SCOC: variants seen among roughly 807,000 people sequenced by gnomAD.
The protein encoded by SCOC is short coiled-coil protein, also known as short coiled coil protein.
In SCOC, 7 loss-of-function variants were observed where a neutral mutation model predicts 9.9. That is an observed-to-expected ratio of 0.71 (90% CI 0.40 to 1.33). The LOEUF is 1.33. Among genes scored for constraint, SCOC ranks in the 40% most tolerant of loss-of-function variants. The pLI is 0.01. For synonymous variants in SCOC, 19 were observed against 28.2 expected (o/e 0.67, Z 1.03); for missense variants, 66 against 89.7 (o/e 0.74, Z 1.07).
chr4:140,338,549 C>A (rs1157564147), upstream of SCOC, among the ~76,000 whole-genome samples: 1 of 152,084 alleles, frequency 6.6e-6, no homozygotes, highest in Non-Finnish European at 1.5e-5. Context: ...TTTAGAAAAC[C>A]CCATCGTCTC....
At chr4:140,338,479 T>C (rs1175530175), upstream of SCOC, among the ~76,000 whole-genome samples, 1 of 152,112 alleles carries the variant, frequency 6.6e-6, no homozygotes, top group Non-Finnish European at 1.5e-5. Flanking sequence ...AAATAAAGGG[T>C]ATTCAATCAG....
intron 1 of SCOC, among the ~76,000 whole-genome samples, chr4:140,257,798 C>T (rs1179026584): frequency 1.3e-5 from 2 of 152,214 alleles, no homozygotes; most frequent in East Asian, 1.9e-4. Context: ...TTTCTATCCT[C>T]CCGTTTCCAT....
chr4:140,326,704 C>A (rs1343191828), intron 1 of SCOC, among the ~76,000 whole-genome samples: 2 of 152,064 alleles, frequency 1.3e-5, no homozygotes, highest in Admixed American at 6.6e-5. Flanking sequence ...ATGCTAAAGT[C>A]TTTTATTATC....
At chr4:140,363,643 T>G (rs1175032586) in intron 2 of SCOC, among the ~76,000 whole-genome samples, 1 of 152,244 alleles carries the variant, frequency 6.6e-6, no homozygotes, top group African/African-American at 2.4e-5. Context: ...TAAAATTAAC[T>G]GTAGTACATA....
chr4:140,280,570 A>T (rs531539369), intron 1 of SCOC, among the ~76,000 whole-genome samples: 2 of 152,328 alleles, frequency 1.3e-5, no homozygotes, highest in Non-Finnish European at 2.9e-5. Context: ...TCCCTCAGTC[A>T]TTGCTTATTT....
intron 1 of SCOC, among the ~76,000 whole-genome samples, chr4:140,299,764 C>T (rs1337201414): frequency 2.0e-5 from 3 of 152,200 alleles, no homozygotes; most frequent in African/African-American, 7.2e-5. Context: ...ATGTGGAAGG[C>T]AATGCTTGTA....
rs890153754 is a variant in SCOC, at chr4:140,383,447, A to T, written c.*2343A>T. On this transcript the variant is annotated 3_prime_UTR_variant, in exon 4 of 4. Transcript: ENST00000608372. ...ACAGGATGGCCAAATAAAAAGTCTC[A>T]ATTTGGAAAATGGAATAAAGGGAAA... 3.3e-5 allele frequency: 5 copies of T among 152,216 alleles called. No individual in the cohort carries two copies. The highest frequency in any genetic ancestry group is 1.2e-4 in the African/African-American group (5 of 41,442). The allele number at this position is 152,216 out of a possible 1,614,324, so 9.4% of individuals were successfully genotyped here.
At chr4:140,280,191 A>C (rs1199706054) in intron 1 of SCOC, among the ~76,000 whole-genome samples, 1 of 152,148 alleles carries the variant, frequency 6.6e-6, no homozygotes, top group Non-Finnish European at 1.5e-5. Flanking sequence ...ACCTCAGCTC[A>C]CTGCAGCCTC....
At chr4:140,359,327 C>T (rs1187904733) in intron 2 of SCOC, among the ~76,000 whole-genome samples, 8 of 152,014 alleles carry the variant, frequency 5.3e-5, no homozygotes, top group Admixed American at 5.2e-4. Flanking sequence ...TCATTTTGAG[C>T]ACCTACATAT....
At chr4:140,306,461 G>A (rs1731989894) in intron 1 of SCOC, among the ~76,000 whole-genome samples, 1 of 152,184 alleles carries the variant, frequency 6.6e-6, no homozygotes, top group South Asian at 2.1e-4. Context: ...GTTCAATAAA[G>A]AAAATGAATA....
At chr4:140,355,220 T>TATATG (rs1553940392) in intron 2 of SCOC, among the ~76,000 whole-genome samples, 9 of 18,818 alleles carry the variant, frequency 4.8e-4, no homozygotes, top group African/African-American at 1.2e-3. Flanking sequence ...TTTATATATA[T>TATATG]ATATATATAT....
At chr4:140,317,706 T>TA (rs1458071072) in intron 1 of SCOC, among the ~76,000 whole-genome samples, 2 of 149,910 alleles carry the variant, frequency 1.3e-5, no homozygotes, top group Non-Finnish European at 3.0e-5. Context: ...TTATTATTAT[T>TA]TTTAATTATA....
At chr4:140,315,326 C>T (rs1417092950) in intron 1 of SCOC, among the ~76,000 whole-genome samples, 1 of 152,162 alleles carries the variant, frequency 6.6e-6, no homozygotes, top group Admixed American at 6.6e-5. Flanking sequence ...ATTCTTTAGG[C>T]TCTGCACTGA....
intron 1 of SCOC, among the ~76,000 whole-genome samples, chr4:140,378,057 T>C (rs1324310397): frequency 6.6e-6 from 1 of 152,106 alleles, no homozygotes; most frequent in East Asian, 1.9e-4. Flanking sequence ...TTTATAGAAA[T>C]TTTTTGTTCT....
intron 1 of SCOC, among the ~76,000 whole-genome samples, chr4:140,325,835 T>C (rs1233789985): frequency 6.6e-6 from 1 of 152,190 alleles, no homozygotes; most frequent in Non-Finnish European, 1.5e-5. Context: ...AAGGCATTTA[T>C]CCAAATGAGT....
In SCOC at chr4:140,362,304, T is replaced by C. The variant is rs374202745; in HGVS notation, c.71-16817T>C. ...TTCTTCTTCTTCTTCTTCTTCTTTT[T>C]TTTTTTTTTTTGTGAGAGTCTCGCT... On this transcript the variant is annotated intron_variant, in intron 2 of 4. Coordinates refer to the SCOC transcript ENST00000338517. 4.8e-3 allele frequency among the ~76,000 whole-genome samples: 265 copies of C among 54,700 alleles called. 2 individuals carry two copies. Among genetic ancestry groups the C allele is most frequent in the African/African-American group, 9.3e-3 (148 of 15,956 alleles). The allele number at this position is 54,700 out of a possible 152,430, so 35.9% of individuals were successfully genotyped here.
chr4:140,302,712 T>G (rs1231772856), intron 1 of SCOC, among the ~76,000 whole-genome samples: 3 of 152,350 alleles, frequency 2.0e-5, no homozygotes, highest in South Asian at 2.1e-4. Flanking sequence ...TAAGCAAGGC[T>G]TATGTCATTC....
intron 2 of SCOC, among the ~76,000 whole-genome samples, chr4:140,362,114 G>A (rs1266156594): frequency 9.2e-6 from 1 of 108,686 alleles, no homozygotes; most frequent in Non-Finnish European, 2.1e-5. Flanking sequence ...TTAGTTTTCT[G>A]CCTTCACTGA....
At chr4:140,276,622 A>T (rs1730989797) in intron 1 of SCOC, among the ~76,000 whole-genome samples, 1 of 151,168 alleles carries the variant, frequency 6.6e-6, no homozygotes, top group Non-Finnish European at 1.5e-5. Flanking sequence ...CACCCAGCTA[A>T]TTTTTTGCAT....
Sources: allele counts gnomAD v4.1 joint callset (sites outside exome capture counted in the v4.1 genomes callset), GRCh38; gene constraint gnomAD v4.1.1; transcripts MANE v1.5; gene names NCBI Gene and HGNC (gene_info 2026-07-23, HGNC 2026-07-21).